Variants in ZNF346 observed in about 807,000 individuals in gnomAD.
The protein encoded by ZNF346 is double-stranded RNA-binding zinc finger protein JAZ.
In ZNF346, 23 loss-of-function variants were observed where a neutral mutation model predicts 33.7. That is an observed-to-expected ratio of 0.68 (90% CI 0.49 to 0.97). ZNF346 has a LOEUF of 0.97. Ranked by LOEUF, ZNF346 falls within the 50% of genes least tolerant of loss-of-function variation. ZNF346 has a pLI of 0.00. For synonymous variants in ZNF346, 134 were observed against 142.4 expected (o/e 0.94, Z 0.42); for missense variants, 340 against 371.1 (o/e 0.92, Z 0.69).
At chr5:177,023,602 C>G (rs1776230752) in intron 1 of ZNF346, among the ~76,000 whole-genome samples, 1 of 152,286 alleles carries the variant, frequency 6.6e-6, no homozygotes, top group South Asian at 2.1e-4. Flanking sequence ...CCCCAGCTTG[C>G]TCTGCACTTG....
intron 1 of ZNF346, among the ~76,000 whole-genome samples, chr5:177,025,854 C>T (rs969610043): frequency 2.6e-5 from 4 of 152,084 alleles, no homozygotes; most frequent in Non-Finnish European, 2.9e-5. Context: ...CCTTTTGAAG[C>T]ACAAAAGTTT....
At chr5:177,032,688 G>A (rs1332279176) in intron 1 of ZNF346, among the ~76,000 whole-genome samples, 1 of 152,146 alleles carries the variant, frequency 6.6e-6, no homozygotes, top group African/African-American at 2.4e-5. Context: ...TGACATTACA[G>A]GTGTGAGCCA....
At chr5:177,026,487 G>A (rs1776799407) in intron 1 of ZNF346, among the ~76,000 whole-genome samples, 2 of 151,100 alleles carry the variant, frequency 1.3e-5, no homozygotes, top group East Asian at 1.9e-4. Flanking sequence ...AGCCTCCTGA[G>A]TAGCTGGGAT....
At chr5:177,024,110 T>C (rs1308657930) in intron 1 of ZNF346, among the ~76,000 whole-genome samples, 1 of 144,758 alleles carries the variant, frequency 6.9e-6, no homozygotes, top group Non-Finnish European at 1.5e-5. Context: ...TATACACACA[T>C]AAATCTGTAT....
At chr5:177,026,855 G>A (rs77222310) in intron 1 of ZNF346, among the ~76,000 whole-genome samples, 3 of 152,186 alleles carry the variant, frequency 2.0e-5, no homozygotes, top group Non-Finnish European at 4.4e-5. Flanking sequence ...GTGATTGGCT[G>A]TACATTAAGC....
chr5:177,066,593 T>C lies in ZNF346; in HGVS notation c.*1994T>C. Reference sequence around the variant, plus strand: ...GCTGAGAAGGAGTGTTATGGCCAGGTGCGGCGTCATGCACCTATAGTCCCA... The same window carrying C: ...GCTGAGAAGGAGTGTTATGGCCAGGCGCGGCGTCATGCACCTATAGTCCCA... On this transcript the variant is annotated 3_prime_UTR_variant, in exon 7 of 7. Coordinates refer to ENST00000358149, the MANE Select transcript of ZNF346 (RefSeq NM_012279.4). 6.6e-6 allele frequency among the ~76,000 whole-genome samples: 1 copy of C among 151,790 alleles called. No individual in the cohort carries two copies. Among genetic ancestry groups the C allele is most frequent in the South Asian group, 2.1e-4 (1 of 4,758 alleles).
chr5:177,074,258 T>G (rs1291747767), intron 8 of ZNF346, among the ~76,000 whole-genome samples: 1 of 152,232 alleles, frequency 6.6e-6, no homozygotes, highest in Non-Finnish European at 1.5e-5. Flanking sequence ...TATAATAAGC[T>G]TTTCTTTGAA....
At chr5:177,074,249 A>T (rs1200545743) in intron 8 of ZNF346, among the ~76,000 whole-genome samples, 1 of 152,214 alleles carries the variant, frequency 6.6e-6, no homozygotes, top group South Asian at 2.1e-4. Flanking sequence ...CCTTCTTCCT[A>T]TAATAAGCTT....
chr5:177,027,234 G>A (rs909880963), intron 1 of ZNF346, among the ~76,000 whole-genome samples: 3 of 151,550 alleles, frequency 2.0e-5, no homozygotes, highest in East Asian at 3.9e-4. Flanking sequence ...TGTATTTTTC[G>A]TAGAGACGGA....
chr5:177,038,260 T>TG (rs1461977702), intron 1 of ZNF346, among the ~76,000 whole-genome samples: 2 of 148,628 alleles, frequency 1.3e-5, no homozygotes, highest in African/African-American at 5.0e-5. Flanking sequence ...AACTACGTTT[T>TG]TTTTTTTTGT....
intron 3 of ZNF346, 55 bp downstream of exon 3, chr5:177,041,925 G>A (rs1581853508): frequency 2.4e-6 from 3 of 1,230,380 alleles, no homozygotes; most frequent in East Asian, 2.4e-5. Flanking sequence ...CAGCCAGCAG[G>A]TTGGTGTGGT....
At chr5:177,055,064 C>T (rs1781489679) in intron 5 of ZNF346, among the ~76,000 whole-genome samples, 1 of 141,824 alleles carries the variant, frequency 7.1e-6, no homozygotes, top group Non-Finnish European at 1.5e-5. Context: ...GACAGAGTCT[C>T]ATTCTGTCAC....
intron 4 of ZNF346, among the ~76,000 whole-genome samples, chr5:177,049,348 G>A (rs1161396255): frequency 1.3e-5 from 2 of 152,200 alleles, no homozygotes; most frequent in African/African-American, 4.8e-5. Context: ...TGTGAGTCCT[G>A]CTGAGCCCCA....
Position 177,062,163 on chromosome 5 carries a change from T to C in ZNF346, c.797+12T>C, listed in dbSNP as rs1782628632. On this transcript the variant is annotated intron_variant, in intron 6 of 6. Transcript: ENST00000358149. ...AAACACAAGAACCAGTAAGTAACCATTTTTTGAAATTCTAGGATCCATAGC... is the reference window on the plus strand; with the variant it reads ...AAACACAAGAACCAGTAAGTAACCACTTTTTGAAATTCTAGGATCCATAGC... 6.2e-7 allele frequency: 1 copy of C among 1,611,610 alleles called. No homozygotes were observed. The highest frequency in any genetic ancestry group is 8.5e-7 in the Non-Finnish European group (1 of 1,177,966).
downstream of ZNF346, among the ~76,000 whole-genome samples, chr5:177,068,741 A>T (rs1423074723): frequency 7.0e-6 from 1 of 142,746 alleles, no homozygotes; most frequent in Non-Finnish European, 1.5e-5. Flanking sequence ...CCCCAAAAGA[A>T]GAAGGTTGTA....
At chr5:177,059,103 C>A (rs531909652) in intron 5 of ZNF346, among the ~76,000 whole-genome samples, 10 of 152,280 alleles carry the variant, frequency 6.6e-5, no homozygotes, top group African/African-American at 2.4e-4. Context: ...TCATTTAGTT[C>A]ATTCATTTAG....
At chr5:177,038,255 C>CG (rs1778802427) in intron 1 of ZNF346, among the ~76,000 whole-genome samples, 1 of 105,660 alleles carries the variant, frequency 9.5e-6, no homozygotes, top group Non-Finnish European at 2.1e-5. Flanking sequence ...TGCCCAACTA[C>CG]GTTTTTTTTT....
downstream of ZNF346, among the ~76,000 whole-genome samples, chr5:177,070,088 A>C (rs1783432962): frequency 6.6e-6 from 1 of 152,226 alleles, no homozygotes; most frequent in South Asian, 2.1e-4. Flanking sequence ...GCGTGGAATC[A>C]TAGAGTAGGC....
chr5:177,051,170 CTTT>C (rs906484576), intron 5 of ZNF346, among the ~76,000 whole-genome samples: 2 of 104,840 alleles, frequency 1.9e-5, no homozygotes. Flanking sequence ...GTTTTCTTTT[CTTT>C]TTTTTTTTTT....
Sources: allele counts gnomAD v4.1 joint callset (sites outside exome capture counted in the v4.1 genomes callset), GRCh38; gene constraint gnomAD v4.1.1; transcripts MANE v1.5; gene names NCBI Gene and HGNC (gene_info 2026-07-23, HGNC 2026-07-21).